Variants in MILR1 observed in about 807,000 individuals in gnomAD.
The protein encoded by MILR1 is allergin-1.
A neutral mutation model predicts 18.5 loss-of-function variants in MILR1; 31 were observed. That is an observed-to-expected ratio of 1.68 (90% CI 1.26 to 2.26). The LOEUF (loss-of-function observed/expected upper bound fraction) is 2.26. Ranked by LOEUF, MILR1 falls within the 30% of genes most tolerant of loss-of-function variation. MILR1 has a pLI of 0.00. For missense variants in MILR1, 257 were observed against 157.4 expected, an observed-to-expected ratio of 1.63 and a Z score of -3.38; for synonymous variants, 85 against 56.2, an observed-to-expected ratio of 1.51 and a Z score of -2.30.
In MILR1 at chr17:64,468,320, A is replaced by C; in HGVS notation, c.*39A>C. ...CTTTTTTTTTTTGAGATGGAGTCTC[A>C]CTCTGTTGCCCAGGCTGGAGTTCAG... On this transcript the variant is annotated 3_prime_UTR_variant, in exon 10 of 10. Transcript: ENST00000619286. The C allele has an allele frequency of 2.2e-6, 1 of 451,268 alleles. No individual in the cohort carries two copies. The highest frequency in any genetic ancestry group is 1.6e-5 in the South Asian group (1 of 64,100). The allele number at this position is 451,268 out of a possible 1,614,324, so 28.0% of individuals were successfully genotyped here.
intron 3 of MILR1, among the ~76,000 whole-genome samples, chr17:64,455,010 A>G (rs2037258215): frequency 6.6e-6 from 1 of 152,130 alleles, no homozygotes; most frequent in Non-Finnish European, 1.5e-5. Flanking sequence ...CAAGAAAAAA[A>G]AAATCCCAAT....
At chr17:64,466,060 A>G (rs1598103957) in intron 6 of MILR1, among the ~76,000 whole-genome samples, 1 of 152,316 alleles carries the variant, frequency 6.6e-6, no homozygotes, top group African/African-American at 2.4e-5. Flanking sequence ...GAGACTTACA[A>G]TCATGGTGGA....
chr17:64,477,644 G>C, the MILR1 span: 1 of 729,340 alleles, frequency 1.4e-6, no homozygotes, highest in Non-Finnish European at 2.0e-6. Flanking sequence ...GTAGATTTTT[G>C]TTTCTTGTAG....
chr17:64,462,905 T>C (rs1037580413), intron 5 of MILR1, among the ~76,000 whole-genome samples: 5 of 151,374 alleles, frequency 3.3e-5, no homozygotes, highest in Admixed American at 1.3e-4. Context: ...GGATTACAGA[T>C]GTGAGCCATT....
At chr17:64,486,597 C>A in the MILR1 span, among the ~76,000 whole-genome samples, 121 of 152,222 alleles carry the variant, frequency 7.9e-4, 3 homozygotes, top group East Asian at 0.021. Flanking sequence ...CTCCTCACCT[C>A]AGGTGATCAG....
chr17:64,497,064 G>A, the MILR1 span: 11 of 1,285,382 alleles, frequency 8.6e-6, no homozygotes, highest in East Asian at 2.4e-5. Flanking sequence ...CCACGGCGCA[G>A]GCGCAACGGA....
chr17:64,484,489 T>A, the MILR1 span, among the ~76,000 whole-genome samples: 1 of 152,140 alleles, frequency 6.6e-6, no homozygotes, highest in East Asian at 1.9e-4. Context: ...GATGAGAAGC[T>A]TTCCTGGAGT....
In MILR1 at chr17:64,467,591, T is replaced by A. The variant is rs797036001; in HGVS notation, c.1006T>A (p.Tyr336Asn). 2 of 1,559,010 alleles carry A rather than the reference T, an allele frequency of 1.3e-6. No homozygotes were observed. Among genetic ancestry groups the A allele is most frequent in the Admixed American group, 1.8e-5 (1 of 54,182 alleles). ...QEACDSYKSG[Y>N]VYSELNF Reference sequence around the variant, plus strand: ...AGCCTGTGATTCTTATAAATCTGGATATGTCTATTCTGAACTCAACTTCTG... The same window carrying A: ...AGCCTGTGATTCTTATAAATCTGGAAATGTCTATTCTGAACTCAACTTCTG... Residue 336 changes from tyrosine (Y) to asparagine (N), a missense_variant, in exon 9 of 10, where the codon TAT becomes AAT. Coordinates refer to ENST00000619286, the MANE Select transcript of MILR1 (RefSeq NM_001085423.2).
intron 8 of MILR1, among the ~76,000 whole-genome samples, chr17:64,467,068 C>T (rs1458925543): frequency 1.4e-5 from 2 of 143,300 alleles, no homozygotes; most frequent in African/African-American, 5.2e-5. Flanking sequence ...TTTTCTTTCT[C>T]TCTCTCTCTC....
chr17:64,481,706 C>G, the MILR1 span, among the ~76,000 whole-genome samples: 3 of 151,930 alleles, frequency 2.0e-5, no homozygotes, highest in African/African-American at 7.3e-5. Context: ...AACCCTGTCT[C>G]TACTAAAAAT....
the MILR1 span, among the ~76,000 whole-genome samples, chr17:64,477,090 C>T: frequency 6.6e-6 from 1 of 152,116 alleles, no homozygotes; most frequent in African/African-American, 2.4e-5. Flanking sequence ...CGTAAATACT[C>T]TAAGTTTTAA....
At chr17:64,452,082 G>GTTTTTTTTTTTTTTTTT (rs34558703) in intron 2 of MILR1, among the ~76,000 whole-genome samples, 3 of 137,172 alleles carry the variant, frequency 2.2e-5, no homozygotes, top group Non-Finnish European at 3.1e-5. Flanking sequence ...TCCCAGCTAT[G>GTTTTTTTTTTTTTTTTT]TTTTTTTTTT....
At chr17:64,451,963 C>A (rs118199949) in intron 2 of MILR1, among the ~76,000 whole-genome samples, 1,762 of 151,136 alleles carry the variant, frequency 0.012, 33 homozygotes, top group African/African-American at 0.04. Context: ...TTATATAAGA[C>A]TGAGAAAATG....
chr17:64,484,738 C>A, the MILR1 span, among the ~76,000 whole-genome samples: 1 of 152,106 alleles, frequency 6.6e-6, no homozygotes, highest in Non-Finnish European at 1.5e-5. Flanking sequence ...AAACCCCATT[C>A]CCCAGAATAA....
chr17:64,496,385 A>C, the MILR1 span: 2 of 1,507,510 alleles, frequency 1.3e-6, no homozygotes, highest in Non-Finnish European at 9.1e-7. Context: ...CCTGTTTTGA[A>C]GCATGAAATC....
intron 4 of MILR1, among the ~76,000 whole-genome samples, chr17:64,458,890 G>A (rs944292629): frequency 3.9e-5 from 6 of 152,116 alleles, no homozygotes; most frequent in Non-Finnish European, 7.3e-5. Context: ...CCCTGAACCT[G>A]AGCCAAGGGA....
chr17:64,492,534 G>A, the MILR1 span: 2 of 647,278 alleles, frequency 3.1e-6, no homozygotes, highest in African/African-American at 3.7e-5. Flanking sequence ...GTTACAAAGA[G>A]TTTTTGTATT....
At chr17:64,480,452 A>G in the MILR1 span, 21 of 791,074 alleles carry the variant, frequency 2.7e-5, no homozygotes, top group Non-Finnish European at 4.1e-5. Context: ...TGATTATTCT[A>G]TTTTTGTGAA....
intron 8 of MILR1, among the ~76,000 whole-genome samples, chr17:64,467,313 ATT>A (rs1555663634): frequency 1.3e-5 from 2 of 148,402 alleles, no homozygotes; most frequent in Non-Finnish European, 3.0e-5. Context: ...ATCTTGCTAT[ATT>A]GCCCAAGCTG....
Sources: allele counts gnomAD v4.1 joint callset (sites outside exome capture counted in the v4.1 genomes callset), GRCh38; gene constraint gnomAD v4.1.1; transcripts MANE v1.5; gene names NCBI Gene and HGNC (gene_info 2026-07-23, HGNC 2026-07-21).